PDE10A: variants seen among roughly 807,000 people sequenced by gnomAD.
The protein encoded by PDE10A is cAMP and cAMP-inhibited cGMP 3',5'-cyclic phosphodiesterase 10A.
A neutral mutation model predicts 97.7 loss-of-function variants in PDE10A; 39 were observed. The observed-to-expected ratio is 0.40, with a 90% confidence interval of 0.31 to 0.52. The LOEUF (loss-of-function observed/expected upper bound fraction) is 0.52. PDE10A is among the 20% of genes least tolerant of loss of function. The pLI, the probability that PDE10A is intolerant of heterozygous loss-of-function variation, is 0.56. For synonymous variants in PDE10A, 371 were observed against 376.8 expected, an observed-to-expected ratio of 0.98 and a Z score of 0.18; for missense variants, 731 against 1,047.8, an observed-to-expected ratio of 0.70 and a Z score of 4.17.
intron 2 of PDE10A, among the ~76,000 whole-genome samples, chr6:165,520,896 C>T (rs896659514): frequency 6.6e-6 from 1 of 152,108 alleles, no homozygotes; most frequent in African/African-American, 2.4e-5. Flanking sequence ...TAGAAGCCCC[C>T]TTCAGGCTCT....
At position 165,444,555 on chromosome 6, in the gene PDE10A, T is replaced by TA. The variant is rs1790701551; in HGVS notation, c.1194+4372dup. 2.0e-5 allele frequency among the ~76,000 whole-genome samples: 3 copies of TA among 152,290 alleles called. No homozygotes were observed. In the South Asian group the frequency reaches 6.2e-4, roughly 32 times the overall value. ...CAGAATAAAAGACAGTTTGGTTTTT[T>TA]AACCTGATCTAAGTTTTTTTTCTTT... is the stretch of plus-strand genomic sequence containing the variant. On this transcript the variant is annotated intron_variant, in intron 5 of 21. Transcript: ENST00000539869.
intron 1 of PDE10A, among the ~76,000 whole-genome samples, chr6:165,708,569 C>T (rs567977784): frequency 3.3e-5 from 5 of 151,866 alleles, no homozygotes; most frequent in African/African-American, 9.7e-5. Flanking sequence ...CTGCATCGTC[C>T]GTGCTCCTCC....
chr6:165,971,577 C>T lies in PDE10A; in HGVS notation c.-615+15952G>A, dbSNP rs535839623. Among the ~76,000 whole-genome samples the T allele has an allele frequency of 3.0e-4, 45 of 152,292 alleles. 1 individual carries two copies. Among genetic ancestry groups the T allele is most frequent in the African/African-American group, 9.4e-4 (39 of 41,564 alleles). ...ATTTCTCTCTTGGTCCAAACTCAGG[C>T]CCAGACTGTCAAAAGTGCCTTGCCA... On this transcript the variant is annotated intron_variant, in intron 1 of 19. Coordinates refer to the PDE10A transcript ENST00000366882.
At chr6:165,682,960 T>C (rs946026486) in intron 1 of PDE10A, among the ~76,000 whole-genome samples, 1 of 152,182 alleles carries the variant, frequency 6.6e-6, no homozygotes, top group African/African-American at 2.4e-5. Context: ...GTCATTCAAC[T>C]TGTGTTAAAA....
chr6:165,428,503 G>A (rs903902360), intron 10 of PDE10A, among the ~76,000 whole-genome samples, 155 bp downstream of exon 10: 1 of 151,902 alleles, frequency 6.6e-6, no homozygotes. Context: ...CAAAATTAAC[G>A]CAAGTGACAA....
At position 165,848,100 on chromosome 6, in the gene PDE10A, TTC is replaced by T. The variant is rs35252431; in HGVS notation, c.-615+139427_-615+139428del. ...TTCCATATGCTAGCTATTTTTTTTT[TTC>T]TCAGGTTCAAGTTTGGGAAATAAAA... On this transcript the variant is annotated intron_variant, in intron 1 of 19. Coordinates refer to the PDE10A transcript ENST00000366882. Among the ~76,000 whole-genome samples the T allele has an allele frequency of 5.0e-3, 709 of 140,616 alleles. 6 individuals carry two copies. Among genetic ancestry groups the T allele is most frequent in the African/African-American group, 0.016 (662 of 40,528 alleles). 92.2% of individuals were successfully genotyped at this position (140,616 alleles called of 152,430 possible).
intron 17 of PDE10A, among the ~76,000 whole-genome samples, chr6:165,382,687 T>C (rs148683236): frequency 3.0e-4 from 46 of 152,294 alleles, no homozygotes; most frequent in African/African-American, 9.9e-4. Flanking sequence ...TTCTGGTTCA[T>C]TGTAAGTACC....
chr6:165,466,496 T>C (rs946160168), intron 3 of PDE10A, among the ~76,000 whole-genome samples: 31 of 152,252 alleles, frequency 2.0e-4, no homozygotes, highest in Non-Finnish European at 2.9e-4. Flanking sequence ...TCTTTGTAGA[T>C]ATTGCATGTT....
intron 18 of PDE10A, among the ~76,000 whole-genome samples, chr6:165,371,948 A>G (rs1277358333): frequency 1.3e-5 from 2 of 151,826 alleles, no homozygotes; most frequent in South Asian, 2.1e-4. Flanking sequence ...AATGTAATCC[A>G]GCATATAAAC....
chr6:165,329,601 T>C lies in PDE10A; in HGVS notation c.*3424A>G, dbSNP rs1365316749. 6.6e-6 allele frequency: 1 copy of C among 152,178 alleles called. No homozygotes were observed. The highest frequency in any genetic ancestry group is 1.5e-5 in the Non-Finnish European group (1 of 68,038). The allele number at this position is 152,178 out of a possible 1,614,324, so 9.4% of individuals were successfully genotyped here. Reference sequence around the variant, plus strand: ...AGGATTTATGCATCTATTTATATCCTGTACAATACAGGATTTGTCTCGCAT... The same window carrying C: ...AGGATTTATGCATCTATTTATATCCCGTACAATACAGGATTTGTCTCGCAT... On this transcript the variant is annotated 3_prime_UTR_variant, in exon 22 of 22. Coordinates refer to ENST00000539869, the MANE Select transcript of PDE10A (RefSeq NM_001385079.1).
intron 1 of PDE10A, among the ~76,000 whole-genome samples, chr6:165,612,813 A>G (rs921073544): frequency 6.6e-6 from 1 of 152,214 alleles, no homozygotes; most frequent in Non-Finnish European, 1.5e-5. Flanking sequence ...GTCTCACCAC[A>G]TATCTTTCTT....
At chr6:165,587,863 C>A (rs1336485027) in intron 1 of PDE10A, among the ~76,000 whole-genome samples, 1 of 152,172 alleles carries the variant, frequency 6.6e-6, no homozygotes, top group Non-Finnish European at 1.5e-5. Context: ...AAGGTCCCTG[C>A]ACACAGAAAC....
At chr6:165,527,153 G>C (rs11961281) in intron 2 of PDE10A, among the ~76,000 whole-genome samples, 4 of 152,170 alleles carry the variant, frequency 2.6e-5, no homozygotes, top group South Asian at 2.1e-4. Flanking sequence ...CTAAGGTGAA[G>C]AATAAGTTGC....
At chr6:165,574,700 A>T (rs2128348413) in intron 1 of PDE10A, among the ~76,000 whole-genome samples, 1 of 152,360 alleles carries the variant, frequency 6.6e-6, no homozygotes, top group African/African-American at 2.4e-5. Flanking sequence ...TACATTAAAA[A>T]GCTCTTTGTT....
intron 1 of PDE10A, among the ~76,000 whole-genome samples, chr6:165,882,226 A>C (rs1377807094): frequency 6.6e-6 from 1 of 152,184 alleles, no homozygotes; most frequent in African/African-American, 2.4e-5. Context: ...CTCTCATGGA[A>C]CTTCTTCAGT....
chr6:165,787,819 G>C (rs776362382), intron 1 of PDE10A, among the ~76,000 whole-genome samples: 5 of 152,126 alleles, frequency 3.3e-5, no homozygotes, highest in Non-Finnish European at 7.3e-5. Context: ...AGTCAATCTG[G>C]AACATTAGAG....
chr6:165,633,873 T>A (rs1429315605), intron 1 of PDE10A, among the ~76,000 whole-genome samples: 1 of 152,164 alleles, frequency 6.6e-6, no homozygotes, highest in Non-Finnish European at 1.5e-5. Context: ...ATTTTATTTT[T>A]AAAAAATTCC....
At chr6:165,945,162 C>T (rs1331027386) in intron 1 of PDE10A, among the ~76,000 whole-genome samples, 1 of 152,160 alleles carries the variant, frequency 6.6e-6, no homozygotes, top group Non-Finnish European at 1.5e-5. Flanking sequence ...GCTCAGTGGG[C>T]CACCTGCTTT....
At chr6:165,722,556 A>G (rs1469455408) in intron 1 of PDE10A, among the ~76,000 whole-genome samples, 1 of 152,248 alleles carries the variant, frequency 6.6e-6, no homozygotes, top group Admixed American at 6.5e-5. Context: ...ATAATAAAAT[A>G]GAACAATTAT....
Sources: gnomAD v4.1 joint callset for allele counts (sites outside exome capture counted in the v4.1 genomes callset) on GRCh38, gnomAD v4.1.1 for gene constraint, MANE v1.5 for transcripts, NCBI Gene and HGNC (gene_info 2026-07-23, HGNC 2026-07-21) for gene names.